C21orf91: variants seen among roughly 807,000 people sequenced by gnomAD.
C21orf91 encodes protein EURL homolog.
C21orf91 carries 26 observed loss-of-function variants against 32.9 expected under a neutral mutation model. The ratio of observed to expected loss-of-function variants is 0.79; its 90% confidence interval spans 0.58 to 1.10. The LOEUF (loss-of-function observed/expected upper bound fraction) is 1.10, where lower values mean the gene tolerates loss of function less well. Among genes scored for constraint, C21orf91 ranks in the 50% least tolerant of loss-of-function variants. C21orf91 has a pLI of 0.00. For synonymous variants in C21orf91, 126 were observed against 120.4 expected (o/e 1.05, Z -0.31); for missense variants, 310 against 341.3 (o/e 0.91, Z 0.72).
chr21:17,809,368 T>C (rs1436547443), intron 2 of C21orf91, among the ~76,000 whole-genome samples: 4 of 152,210 alleles, frequency 2.6e-5, no homozygotes, highest in Non-Finnish European at 4.4e-5. Context: ...TCTTTAATAT[T>C]TGAAGATAGC....
chr21:17,801,753 T>C (rs1250796739), intron 2 of C21orf91, among the ~76,000 whole-genome samples: 3 of 151,658 alleles, frequency 2.0e-5, no homozygotes, highest in African/African-American at 7.3e-5. Context: ...AGGTGACGGG[T>C]TGATAGGTGC....
intron 4 of C21orf91, among the ~76,000 whole-genome samples, 159 bp downstream of exon 4, chr21:17,795,049 A>C (rs536536147): frequency 1.3e-5 from 2 of 152,116 alleles, no homozygotes; most frequent in Non-Finnish European, 2.9e-5. Context: ...TGCAGTTGAA[A>C]GTTGTTTCTT....
chr21:17,796,018 G>T (rs1307236017), intron 3 of C21orf91, among the ~76,000 whole-genome samples: 1 of 152,120 alleles, frequency 6.6e-6, no homozygotes, highest in Non-Finnish European at 1.5e-5. Context: ...TTAGAATCAA[G>T]AAGTTGTATA....
chr21:17,801,274 G>GTTCTTTTTTTTTTTTT lies in C21orf91; in HGVS notation c.128-4157_128-4156insAAAAAAAAAAAAAGAA, dbSNP rs1278315799. Among the ~76,000 whole-genome samples the GTTCTTTTTTTTTTTTT allele has an allele frequency of 9.3e-5, 13 of 140,438 alleles. No individual in the cohort carries two copies. The East Asian group carries it at 2.7e-3, about 29-fold the overall frequency. The allele number at this position is 140,438 out of a possible 152,430, so 92.1% of individuals were successfully genotyped here. Reference sequence around the variant, plus strand: ...AGGAACAGAAAACCAAACACCGTATGTTTTTTTTTTTTTTTAGACGGAGTC... The same window carrying GTTCTTTTTTTTTTTTT: ...AGGAACAGAAAACCAAACACCGTATGTTCTTTTTTTTTTTTTTTTTTTTTTTTTTTTAGACGGAGTC... On this transcript the variant is annotated intron_variant, in intron 2 of 4. Coordinates refer to ENST00000284881, the MANE Select transcript of C21orf91 (RefSeq NM_001100420.2).
In C21orf91 at chr21:17,789,305, AG is replaced by A. The variant is rs1285538937; in HGVS notation, c.*4109del. The A allele has an allele frequency of 1.1e-4, 16 of 151,988 alleles. No individual in the cohort carries two copies. The highest frequency in any genetic ancestry group is 3.9e-4 in the African/African-American group (16 of 41,338). 9.4% of individuals were successfully genotyped at this position (151,988 alleles called of 1,614,324 possible). A position where few individuals can be genotyped will look rare whatever the true frequency, so the allele number is the denominator to read the frequency against. On this transcript the variant is annotated 3_prime_UTR_variant, in exon 5 of 5. Coordinates refer to ENST00000284881, the MANE Select transcript of C21orf91 (RefSeq NM_001100420.2). ...CACACACAAAATGGAACTGAACAAAAGTCACTACTTAATACTTTCTAAATTG... is the reference window on the plus strand; with the variant it reads ...CACACACAAAATGGAACTGAACAAAATCACTACTTAATACTTTCTAAATTG...
intron 2 of C21orf91, among the ~76,000 whole-genome samples, chr21:17,798,163 AG>A (rs2062533886): frequency 6.6e-6 from 1 of 152,114 alleles, no homozygotes; most frequent in Non-Finnish European, 1.5e-5. Flanking sequence ...TTTAAAAAAA[AG>A]TTTTAGCTGA....
chr21:17,805,245 A>G (rs1485444942), intron 2 of C21orf91, among the ~76,000 whole-genome samples: 1 of 152,340 alleles, frequency 6.6e-6, no homozygotes, highest in South Asian at 2.1e-4. Flanking sequence ...TAGGTAACTA[A>G]GCAAAAGGGT....
intron 2 of C21orf91, 54 bp from the exon 3 acceptor site, chr21:17,797,172 C>T: frequency 1.7e-6 from 2 of 1,153,948 alleles, no homozygotes; most frequent in Non-Finnish European, 1.2e-6. Context: ...TTCTATAAGT[C>T]ACTTTAAGAA....
At chr21:17,794,157 GATT>G (rs1269315083) in intron 4 of C21orf91, among the ~76,000 whole-genome samples, 1 of 152,150 alleles carries the variant, frequency 6.6e-6, no homozygotes, top group African/African-American at 2.4e-5. Flanking sequence ...CTATTATTGT[GATT>G]ATTTTTATTA....
At chr21:17,802,328 T>G (rs1473909458) in intron 2 of C21orf91, among the ~76,000 whole-genome samples, 1 of 152,222 alleles carries the variant, frequency 6.6e-6, no homozygotes. Flanking sequence ...ACGTGGTTAA[T>G]TTTTGTGTTT....
intron 2 of C21orf91, chr21:17,817,862 T>C (rs930293277): frequency 5.4e-6 from 1 of 186,504 alleles, no homozygotes; most frequent in Non-Finnish European, 1.1e-5. Context: ...TACTTCTTAA[T>C]ATAAAAAACA....
chr21:17,800,074 T>C (rs1421954809), intron 2 of C21orf91, among the ~76,000 whole-genome samples: 2 of 152,124 alleles, frequency 1.3e-5, no homozygotes, highest in Non-Finnish European at 2.9e-5. Context: ...TGTGGCATCA[T>C]TCAATCTGTC....
intron 3 of C21orf91, 149 bp downstream of exon 3, chr21:17,796,433 T>G (rs2062518372): frequency 3.2e-6 from 2 of 617,246 alleles, no homozygotes; most frequent in Non-Finnish European, 2.8e-6. Context: ...AATTTTAAGA[T>G]GTCTCATTTT....
Position 17,796,917 on chromosome 21 carries a change from G to C in C21orf91, c.329C>G (p.Ser110Cys). The C allele has an allele frequency of 6.2e-7, 1 of 1,613,318 alleles. No homozygotes were observed. The highest frequency in any genetic ancestry group is 8.5e-7 in the Non-Finnish European group (1 of 1,179,454). ...ATGCTGGGGGTTTTTAGAACATTCA[G>C]AATCTGAATCCAGATCCTTATTTTG... ...YAQNKDLDSD[S>C]ECSKNPQHHL... Residue 110 changes from serine to cysteine, a missense_variant, in exon 3 of 5, where the codon TCT (serine) becomes TGT (cysteine). Physicochemically the swap from Ser to Cys is moderately radical, Grantham distance 112. Transcript: ENST00000284881.
intron 2 of C21orf91, among the ~76,000 whole-genome samples, chr21:17,814,903 C>T (rs1288783556): frequency 6.6e-6 from 1 of 152,146 alleles, no homozygotes; most frequent in African/African-American, 2.4e-5. Context: ...ACCTTGTGAA[C>T]ATTAAAAAAT....
At chr21:17,805,896 T>C (rs1955050388) in intron 2 of C21orf91, among the ~76,000 whole-genome samples, 1 of 152,174 alleles carries the variant, frequency 6.6e-6, no homozygotes, top group South Asian at 2.1e-4. Flanking sequence ...TTAACTGTAA[T>C]TGAATTACTA....
At chr21:17,807,056 C>T (rs2062600860) in intron 2 of C21orf91, among the ~76,000 whole-genome samples, 1 of 152,160 alleles carries the variant, frequency 6.6e-6, no homozygotes, top group Admixed American at 6.5e-5. Flanking sequence ...TTCTGGAGAA[C>T]TTTCTAATAT....
chr21:17,807,465 C>T (rs1469942784), intron 2 of C21orf91, among the ~76,000 whole-genome samples: 1 of 152,056 alleles, frequency 6.6e-6, no homozygotes, highest in Non-Finnish European at 1.5e-5. Flanking sequence ...AAAATCAGTA[C>T]TGGGAATGGG....
At chr21:17,801,207 ATAT>A (rs2062557086) in intron 2 of C21orf91, among the ~76,000 whole-genome samples, 4 of 152,196 alleles carry the variant, frequency 2.6e-5, no homozygotes, top group African/African-American at 9.6e-5. Flanking sequence ...ACACCATGGA[ATAT>A]TATGCAGCCA....
Sources: gnomAD v4.1 joint callset for allele counts (sites outside exome capture counted in the v4.1 genomes callset) on GRCh38, gnomAD v4.1.1 for gene constraint, MANE v1.5 for transcripts, NCBI Gene and HGNC (gene_info 2026-07-23, HGNC 2026-07-21) for gene names.